Variants in ADAMTS19 observed in about 807,000 individuals in gnomAD.
ADAMTS19 encodes the protein A disintegrin and metalloproteinase with thrombospondin motifs 19.
Under a neutral mutation model 153.3 loss-of-function variants are expected in ADAMTS19, and 93 were observed. That is an observed-to-expected ratio of 0.61 (90% CI 0.51 to 0.72). The LOEUF (loss-of-function observed/expected upper bound fraction) is 0.72, where lower values mean the gene tolerates loss of function less well. Among genes scored for constraint, ADAMTS19 ranks in the 30% least tolerant of loss-of-function variants. ADAMTS19 has a pLI of 0.00. For synonymous variants in ADAMTS19, 600 were observed against 556.6 expected, an observed-to-expected ratio of 1.08 and a Z score of -1.10; for missense variants, 1,482 against 1,552.1, an observed-to-expected ratio of 0.95 and a Z score of 0.76.
At chr5:129,712,318 G>A (rs1756520554) in intron 21 of ADAMTS19, among the ~76,000 whole-genome samples, 1 of 152,040 alleles carries the variant, frequency 6.6e-6, no homozygotes, top group African/African-American at 2.4e-5. Context: ...TTTGGACATT[G>A]AAAAAACCTA....
At chr5:129,714,682 T>C (rs2127187670) in intron 21 of ADAMTS19, among the ~76,000 whole-genome samples, 2 of 152,210 alleles carry the variant, frequency 1.3e-5, no homozygotes, top group South Asian at 4.1e-4. Context: ...ACTTCTAATA[T>C]TGGATGTTAT....
At chr5:129,676,500 C>T (rs143027153) in intron 16 of ADAMTS19, among the ~76,000 whole-genome samples, 627 of 152,178 alleles carry the variant, frequency 4.1e-3, no homozygotes, top group Middle Eastern at 6.8e-3. Flanking sequence ...GTGGGTTCTA[C>T]CTCCCAGTCA....
chr5:129,647,109 T>C (rs1399031785), intron 11 of ADAMTS19, among the ~76,000 whole-genome samples: 1 of 148,386 alleles, frequency 6.7e-6, no homozygotes, highest in African/African-American at 2.5e-5. Flanking sequence ...AAGTAAAGTA[T>C]AAAATAATTG....
intron 18 of ADAMTS19, among the ~76,000 whole-genome samples, chr5:129,689,092 A>G (rs888735961): frequency 1.1e-4 from 17 of 152,306 alleles, no homozygotes; most frequent in Admixed American, 3.9e-4. Flanking sequence ...AATAAAATAG[A>G]ATGAGGACCC....
chr5:129,489,765 A>G (rs1302933499), intron 2 of ADAMTS19, among the ~76,000 whole-genome samples: 2 of 152,070 alleles, frequency 1.3e-5, no homozygotes, highest in African/African-American at 2.4e-5. Context: ...TTTCAAATCC[A>G]AGCTCCTCAA....
chr5:129,528,539 A>G lies in ADAMTS19; in HGVS notation c.1190A>G (p.His397Arg). 6.2e-7 allele frequency: 1 copy of G among 1,602,488 alleles called. No homozygotes were observed. The highest frequency in any genetic ancestry group is 8.5e-7 in the Non-Finnish European group (1 of 1,175,222). ...HETPPELYIG[H>R]HGEKMLESFC... is the part of the protein sequence containing the mutation. ...TTGCAGCCAGAACTATATATTGGGC[A>G]TCATGGAGAAAAAATGCTAGAGAGT... The change falls in exon 6 of 23, where the codon CAT (histidine) becomes CGT (arginine). Residue 397 changes from histidine (H) to arginine (R), a missense_variant. This residue lies in a region of ADAMTS19 where 866 missense variants were observed against 827.7 expected (regional missense o/e 1.05). Coordinates refer to ENST00000274487, the MANE Select transcript of ADAMTS19 (RefSeq NM_133638.6).
At chr5:129,680,961 AAAAAG>A (rs903762430) in intron 17 of ADAMTS19, among the ~76,000 whole-genome samples, 7 of 152,194 alleles carry the variant, frequency 4.6e-5, no homozygotes, top group African/African-American at 1.2e-4. Flanking sequence ...TCCTAATGGC[AAAAAG>A]AAGTCTAAAA....
chr5:129,630,341 A>G (rs1752232065), intron 10 of ADAMTS19, among the ~76,000 whole-genome samples: 1 of 152,134 alleles, frequency 6.6e-6, no homozygotes, highest in Non-Finnish European at 1.5e-5. Flanking sequence ...TAGTTGGAGG[A>G]CATAAACTGC....
intron 8 of ADAMTS19, among the ~76,000 whole-genome samples, chr5:129,608,551 A>C (rs188288870): frequency 6.6e-6 from 1 of 152,236 alleles, no homozygotes; most frequent in Admixed American, 6.5e-5. Context: ...ATTTGCATTG[A>C]TGTGCAGTAG....
chr5:129,647,296 CCT>C (rs1376933518), intron 11 of ADAMTS19, among the ~76,000 whole-genome samples: 7 of 151,066 alleles, frequency 4.6e-5, no homozygotes, highest in Non-Finnish European at 7.4e-5. Flanking sequence ...AAAAAAGTAC[CCT>C]GAGTCACTGA....
chr5:129,557,152 C>G (rs1298406225), intron 7 of ADAMTS19, among the ~76,000 whole-genome samples: 1 of 151,904 alleles, frequency 6.6e-6, no homozygotes, highest in Admixed American at 6.6e-5. Flanking sequence ...GTAATTGGTA[C>G]CATGATATAT....
chr5:129,643,963 A>C (rs574435264), intron 11 of ADAMTS19, among the ~76,000 whole-genome samples: 1 of 152,188 alleles, frequency 6.6e-6, no homozygotes, highest in African/African-American at 2.4e-5. Flanking sequence ...GCCCTCAAAC[A>C]TCACATAGCT....
intron 14 of ADAMTS19, among the ~76,000 whole-genome samples, chr5:129,658,021 AC>A (rs1260793614): frequency 1.3e-5 from 2 of 152,126 alleles, no homozygotes; most frequent in Non-Finnish European, 2.9e-5. Flanking sequence ...AGAGTGGCTC[AC>A]ACCTATCATC....
chr5:129,639,371 T>C, intron 10 of ADAMTS19, among the ~76,000 whole-genome samples: 1 of 152,216 alleles, frequency 6.6e-6, no homozygotes, highest in East Asian at 1.9e-4. Flanking sequence ...GATTTTGGTT[T>C]GAACTTCTAA....
At chr5:129,584,390 G>T (rs1482725154) in intron 7 of ADAMTS19, among the ~76,000 whole-genome samples, 1 of 152,232 alleles carries the variant, frequency 6.6e-6, no homozygotes, top group Non-Finnish European at 1.5e-5. Flanking sequence ...CCCACTTGAG[G>T]AGGCAGTCTG....
At chr5:129,717,749 G>A (rs534908839) in intron 21 of ADAMTS19, among the ~76,000 whole-genome samples, 5 of 152,234 alleles carry the variant, frequency 3.3e-5, no homozygotes, top group South Asian at 2.1e-4. Context: ...TGGCAAATAC[G>A]TGTTTATTCT....
intron 18 of ADAMTS19, among the ~76,000 whole-genome samples, chr5:129,694,244 A>G (rs2127147432): frequency 6.6e-6 from 1 of 152,316 alleles, no homozygotes; most frequent in Admixed American, 6.5e-5. Context: ...ACATTTTGTT[A>G]TGTAAATTAT....
chr5:129,474,040 G>A (rs1294461534), intron 2 of ADAMTS19, among the ~76,000 whole-genome samples: 1 of 151,986 alleles, frequency 6.6e-6, no homozygotes, highest in Non-Finnish European at 1.5e-5. Context: ...AACTAGAAGG[G>A]TCCCTCATCC....
intron 2 of ADAMTS19, among the ~76,000 whole-genome samples, chr5:129,485,098 C>T (rs1373478093): frequency 6.6e-6 from 1 of 152,096 alleles, no homozygotes; most frequent in African/African-American, 2.4e-5. Flanking sequence ...AGATTATATA[C>T]TGGGCCATTA....
Sources: gnomAD v4.1 joint callset for allele counts (sites outside exome capture counted in the v4.1 genomes callset) on GRCh38, gnomAD v4.1.1 for gene constraint, gnomAD v4.1.1 regional missense constraint, MANE v1.5 for transcripts, NCBI Gene and HGNC (gene_info 2026-07-23, HGNC 2026-07-21) for gene names.